Variants in ANK1 observed in about 807,000 individuals in gnomAD.
The protein encoded by ANK1 is ankyrin-1.
Under a neutral mutation model 210.4 loss-of-function variants are expected in ANK1, and 51 were observed. The observed-to-expected ratio is 0.24, with a 90% confidence interval of 0.19 to 0.31. The LOEUF (loss-of-function observed/expected upper bound fraction) is 0.31, where lower values mean the gene tolerates loss of function less well. ANK1 is among the 10% of genes least tolerant of loss of function. The pLI is 1.00. For synonymous variants in ANK1, 967 were observed against 1,025.9 expected, an observed-to-expected ratio of 0.94 and a Z score of 1.10; for missense variants, 2,051 against 2,504.4, an observed-to-expected ratio of 0.82 and a Z score of 3.86.
chr8:41,845,546 C>T (rs980955941), intron 1 of ANK1, among the ~76,000 whole-genome samples: 1 of 151,846 alleles, frequency 6.6e-6, no homozygotes, highest in African/African-American at 2.4e-5. Context: ...TGGTGTGGTG[C>T]GTGCCTTTGG....
chr8:41,893,189 G>A (rs1006313146), intron 1 of ANK1, among the ~76,000 whole-genome samples: 2 of 152,152 alleles, frequency 1.3e-5, no homozygotes, highest in Non-Finnish European at 2.9e-5. Context: ...GGCTCCCCCA[G>A]CCCTCAAAAG....
intron 1 of ANK1, among the ~76,000 whole-genome samples, chr8:41,847,256 A>G (rs1448046178): frequency 6.6e-6 from 1 of 152,230 alleles, no homozygotes; most frequent in African/African-American, 2.4e-5. Flanking sequence ...CTGTTGTCCA[A>G]GTGGACACTT....
At chr8:41,758,010 A>C in intron 2 of ANK1, 26 bp downstream of exon 2, 2 of 1,593,880 alleles carry the variant, frequency 1.3e-6, no homozygotes, top group Non-Finnish European at 1.7e-6. Context: ...CTTCAGAGAC[A>C]ACAGGCCTGC....
intron 1 of ANK1, among the ~76,000 whole-genome samples, chr8:41,804,652 T>A (rs1850652591): frequency 6.6e-6 from 1 of 152,232 alleles, no homozygotes; most frequent in Non-Finnish European, 1.5e-5. Flanking sequence ...ACTGATTTAC[T>A]TTATTTCATG....
chr8:41,654,932 C>T lies in ANK1; in HGVS notation c.*858G>A, dbSNP rs1226869198. ...TCCTACAGGTAAGCCTGGGGGTCCT[C>T]GCCTCAGATTCTTAAGTCCCTAACA... On this transcript the variant is annotated 3_prime_UTR_variant, in exon 43 of 43. Coordinates refer to ENST00000289734, the MANE Select transcript of ANK1 (RefSeq NM_000037.4). The T allele has an allele frequency of 1.3e-5, 2 of 152,574 alleles. No individual in the cohort carries two copies. The highest frequency in any genetic ancestry group is 2.4e-5 in the African/African-American group (1 of 41,432). The allele number at this position is 152,574 out of a possible 1,614,324, so 9.5% of individuals were successfully genotyped here.
At chr8:41,727,033 G>A (rs1468532085) in intron 5 of ANK1, among the ~76,000 whole-genome samples, 5 of 152,206 alleles carry the variant, frequency 3.3e-5, no homozygotes, top group Non-Finnish European at 5.9e-5. Flanking sequence ...GTGTGACGTC[G>A]TTTCTTTGGT....
intron 2 of ANK1, among the ~76,000 whole-genome samples, chr8:41,741,537 A>G (rs544734973): frequency 3.3e-5 from 5 of 151,328 alleles, no homozygotes; most frequent in Admixed American, 6.6e-5. Flanking sequence ...CTATGATTGC[A>G]CCACTGTCCT....
In ANK1 at chr8:41,797,294, A is replaced by G. The variant is rs1012809741; in HGVS notation, c.27+218T>C. On this transcript the variant is annotated intron_variant, in intron 1 of 42. Transcript: ENST00000289734. This position sits in a 1 kb window ranked among gnomAD's most constrained non-coding sequence, Gnocchi z 4.0. ...AATTTGACAGCAAATCTCTGGATGT[A>G]AAAAATATGAAACTGGCTTCAGCGA... is the stretch of plus-strand genomic sequence containing the variant. 6.6e-6 allele frequency among the ~76,000 whole-genome samples: 1 copy of G among 152,238 alleles called. No homozygotes were observed. The highest frequency in any genetic ancestry group is 2.4e-5 in the African/African-American group (1 of 41,460).
chr8:41,765,056 CCCTT>C (rs1026366941), intron 1 of ANK1, among the ~76,000 whole-genome samples: 6 of 151,038 alleles, frequency 4.0e-5, no homozygotes, highest in Admixed American at 1.3e-4. Context: ...TCAATCATTT[CCCTT>C]CCTTCCTTCC....
intron 1 of ANK1, among the ~76,000 whole-genome samples, chr8:41,888,526 G>T (rs1480918104): frequency 5.3e-5 from 8 of 152,204 alleles, no homozygotes; most frequent in Non-Finnish European, 1.2e-4. Flanking sequence ...CTCCTGGCAG[G>T]CGCTTCTGGG....
At chr8:41,757,743 G>A (rs1392897639) in intron 2 of ANK1, among the ~76,000 whole-genome samples, 3 of 152,194 alleles carry the variant, frequency 2.0e-5, no homozygotes, top group Admixed American at 1.3e-4. Context: ...CAATTCAAAG[G>A]CCACATATTC....
intron 5 of ANK1, 64 bp from the exon 6 acceptor site, chr8:41,726,010 CACACCCT>C: frequency 2.6e-6 from 4 of 1,562,230 alleles, no homozygotes; most frequent in Non-Finnish European, 3.5e-6. Flanking sequence ...TCACACGGGA[CACACCCT>C]TGCCCCTCGG....
Position 41,704,437 on chromosome 8 carries a change from A to G in ANK1, c.2133T>C (p.Tyr711=). 1 of 1,614,214 alleles carries G rather than the reference A, an allele frequency of 6.2e-7. No individual in the cohort carries two copies. Among genetic ancestry groups the G allele is most frequent in the South Asian group, 1.1e-5 (1 of 91,086 alleles). ...GYTPLHVASH[Y]GNIKLVKFLL... ...GAAACTTCACCAGCTTGATGTTTCC[A>G]TAGTGACTGGCCACATGGAGGGGAG... The change falls in exon 19 of 43, where the codon TAT becomes TAC. Residue 711 remains tyrosine, a synonymous_variant. Transcript: ENST00000289734. This position sits in a 1 kb window ranked among gnomAD's most constrained non-coding sequence, Gnocchi z 4.1.
chr8:41,665,115 C>T, intron 39 of ANK1: 3 of 1,557,342 alleles, frequency 1.9e-6, no homozygotes, highest in South Asian at 2.3e-5. Flanking sequence ...ACTCCTGAGT[C>T]CCCCAGGGAC....
Position 41,655,490 on chromosome 8 carries a change from C to G in ANK1, c.*300G>C. 1.9e-6 allele frequency: 1 copy of G among 528,060 alleles called. No homozygotes were observed. The highest frequency in any genetic ancestry group is 3.4e-6 in the Non-Finnish European group (1 of 296,908). 32.7% of individuals were successfully genotyped at this position (528,060 alleles called of 1,614,324 possible). ...GCTCTCCTGCGCTTGTTTTCTATCC[C>G]TCTCTCTCCCCGCTTCTTGCTGCTT... On this transcript the variant is annotated 3_prime_UTR_variant, in exon 43 of 43. Transcript: ENST00000289734.
upstream of ANK1, among the ~76,000 whole-genome samples, chr8:41,802,542 G>A (rs1850046747): frequency 6.6e-6 from 1 of 152,122 alleles, no homozygotes; most frequent in African/African-American, 2.4e-5. Flanking sequence ...ATGTCATACT[G>A]TCTTCATTGC....
intron 2 of ANK1, among the ~76,000 whole-genome samples, chr8:41,734,676 G>A (rs1202266305): frequency 6.6e-6 from 1 of 151,840 alleles, no homozygotes; most frequent in Non-Finnish European, 1.5e-5. Context: ...CTGGTTGCTT[G>A]AGCCCAGGAT....
chr8:41,827,941 C>T (rs1382211900), intron 1 of ANK1, among the ~76,000 whole-genome samples: 2 of 152,192 alleles, frequency 1.3e-5, no homozygotes. Flanking sequence ...CGCACTCACA[C>T]ATGCATACAC....
chr8:41,879,762 G>A (rs1045196320), intron 1 of ANK1, among the ~76,000 whole-genome samples: 2 of 152,186 alleles, frequency 1.3e-5, no homozygotes, highest in Non-Finnish European at 2.9e-5. Flanking sequence ...CCCCTGGAGT[G>A]GGAATCAGAA....
Sources: gnomAD v4.1 joint callset for allele counts (sites outside exome capture counted in the v4.1 genomes callset) on GRCh38, gnomAD v4.1.1 for gene constraint, Gnocchi (gnomAD v3.1) non-coding constraint, MANE v1.5 for transcripts, NCBI Gene and HGNC (gene_info 2026-07-23, HGNC 2026-07-21) for gene names.